PTPRT: variants seen among roughly 807,000 people sequenced by gnomAD.
PTPRT encodes protein tyrosine phosphatase receptor type T, also known as receptor-type tyrosine-protein phosphatase T.
Under a neutral mutation model 176.8 loss-of-function variants are expected in PTPRT, and 56 were observed. That is an observed-to-expected ratio of 0.32 (90% CI 0.26 to 0.40). The LOEUF is 0.40. Ranked by LOEUF, PTPRT falls within the 10% of genes least tolerant of loss-of-function variation. The pLI is 1.00. For synonymous variants in PTPRT, 783 were observed against 739.0 expected, an observed-to-expected ratio of 1.06 and a Z score of -0.96; for missense variants, 1,540 against 1,908.2, an observed-to-expected ratio of 0.81 and a Z score of 3.60.
intron 1 of PTPRT, among the ~76,000 whole-genome samples, chr20:42,943,097 C>T (rs568435511): frequency 7.6e-4 from 115 of 152,272 alleles, no homozygotes; most frequent in African/African-American, 2.3e-3. Context: ...AAAACCCAAA[C>T]GCAACTTGAG....
intron 1 of PTPRT, among the ~76,000 whole-genome samples, chr20:43,174,099 G>A (rs2015070260): frequency 1.3e-5 from 2 of 152,180 alleles, no homozygotes; most frequent in Admixed American, 6.5e-5. Context: ...TTTCCACCCA[G>A]TAATTTCAAA....
chr20:42,376,711 T>C (rs2058652251), intron 9 of PTPRT, among the ~76,000 whole-genome samples: 1 of 152,070 alleles, frequency 6.6e-6, no homozygotes, highest in African/African-American at 2.4e-5. Flanking sequence ...CCTAAGCAGA[T>C]TGAGGCAAAG....
At chr20:42,356,907 C>T (rs1397667415) in intron 9 of PTPRT, among the ~76,000 whole-genome samples, 1 of 152,186 alleles carries the variant, frequency 6.6e-6, no homozygotes, top group East Asian at 1.9e-4. Context: ...ACCAGCTCTT[C>T]TGTCAGCCTG....
In PTPRT at chr20:42,572,928, T is replaced by G. The variant is rs536541935; in HGVS notation, c.1154-100366A>C. On this transcript the variant is annotated intron_variant, in intron 7 of 30. Coordinates refer to ENST00000373187, the MANE Select transcript of PTPRT (RefSeq NM_007050.6). Reference sequence around the variant, plus strand: ...ACACTAGAGATAAGTTTTTGTTTTTTTTTTTTTTTAACATCTAAACACAAT... The same window carrying G: ...ACACTAGAGATAAGTTTTTGTTTTTGTTTTTTTTTAACATCTAAACACAAT... Among the ~76,000 whole-genome samples the G allele has an allele frequency of 1.1e-3, 164 of 150,772 alleles. 2 individuals carry two copies. Among genetic ancestry groups the G allele is most frequent in the Non-Finnish European group, 1.9e-3 (130 of 67,848 alleles).
chr20:42,167,684 C>A (rs530838735), intron 16 of PTPRT, among the ~76,000 whole-genome samples: 1 of 152,250 alleles, frequency 6.6e-6, no homozygotes, highest in Non-Finnish European at 1.5e-5. Flanking sequence ...GCTGGGTCAC[C>A]TGCACAGAGT....
rs556533790 is a variant in PTPRT, at chr20:42,579,308, T to C, written c.1153+98558A>G. On this transcript the variant is annotated intron_variant, in intron 7 of 30. Transcript: ENST00000373187. The stretch of plus-strand genomic sequence containing the variant: ...CACATTTTCTTAATCCAGTCTATCA[T>C]TGTTGGACATTTGGGTTGGTTCCAA... Among the ~76,000 whole-genome samples the C allele has an allele frequency of 4.2e-4, 64 of 152,244 alleles. 1 individual carries two copies. The South Asian group carries it at 0.012, about 30-fold the overall frequency.
intron 17 of PTPRT, among the ~76,000 whole-genome samples, chr20:42,157,624 T>TC (rs199994565): frequency 0.062 from 9,328 of 151,138 alleles, 314 homozygotes; most frequent in Non-Finnish European, 0.07. Context: ...GGGATTTTCT[T>TC]CCCCCCCCAA....
intron 1 of PTPRT, 138 bp from the exon 2 acceptor site, chr20:42,886,070 T>TAA (rs1482152791): frequency 1.3e-5 from 5 of 384,642 alleles, no homozygotes; most frequent in Admixed American, 1.2e-4. Context: ...TATATATATA[T>TAA]AAAAGATGAG....
intron 7 of PTPRT, among the ~76,000 whole-genome samples, chr20:42,522,801 G>T (rs1276648691): frequency 6.6e-6 from 1 of 151,944 alleles, no homozygotes; most frequent in East Asian, 1.9e-4. Flanking sequence ...TTTTTATTTC[G>T]ATTATCTTCT....
intron 2 of PTPRT, among the ~76,000 whole-genome samples, chr20:42,842,912 T>G (rs2078304191): frequency 6.6e-6 from 1 of 152,208 alleles, no homozygotes; most frequent in Admixed American, 6.5e-5. Flanking sequence ...TCCACCCTCA[T>G]GACTTAATCA....
intron 5 of PTPRT, among the ~76,000 whole-genome samples, chr20:42,767,117 T>A (rs995852629): frequency 1.3e-5 from 2 of 152,132 alleles, no homozygotes; most frequent in African/African-American, 4.8e-5. Context: ...CTCTCTGGGG[T>A]GGCAGGTGTG....
At chr20:43,167,590 T>C (rs1031218329) in intron 1 of PTPRT, among the ~76,000 whole-genome samples, 7 of 152,174 alleles carry the variant, frequency 4.6e-5, no homozygotes, top group Admixed American at 1.3e-4. Context: ...CAACAGAGCA[T>C]GGTAAAGGTG....
intron 1 of PTPRT, among the ~76,000 whole-genome samples, chr20:42,966,785 C>T (rs910454160): frequency 2.0e-5 from 3 of 152,196 alleles, no homozygotes; most frequent in African/African-American, 7.2e-5. Flanking sequence ...ACGTGATCAT[C>T]AGGCAGAGAA....
chr20:42,799,765 G>A (rs952310514), intron 2 of PTPRT, among the ~76,000 whole-genome samples: 1 of 152,184 alleles, frequency 6.6e-6, no homozygotes, highest in Non-Finnish European at 1.5e-5. Flanking sequence ...TGCCCCGTAA[G>A]CAAGAATTCT....
At chr20:42,081,590 C>T (rs1159338916) in intron 30 of PTPRT, among the ~76,000 whole-genome samples, 2 of 152,164 alleles carry the variant, frequency 1.3e-5, no homozygotes, top group Non-Finnish European at 2.9e-5. Flanking sequence ...TCTACTAATC[C>T]AGCATCCTTT....
chr20:42,096,356 A>G (rs976638037), intron 27 of PTPRT, among the ~76,000 whole-genome samples: 10 of 151,948 alleles, frequency 6.6e-5, no homozygotes, highest in Non-Finnish European at 1.2e-4. Context: ...TAATCCCAGC[A>G]CTTCAGGAGG....
At chr20:42,358,672 G>C (rs1016566788) in intron 9 of PTPRT, among the ~76,000 whole-genome samples, 1 of 152,184 alleles carries the variant, frequency 6.6e-6, no homozygotes, top group Non-Finnish European at 1.5e-5. Flanking sequence ...CTTGCCTAAG[G>C]GATGCTTTTG....
At chr20:42,474,316 T>C (rs2071249949) in intron 7 of PTPRT, among the ~76,000 whole-genome samples, 3 of 152,176 alleles carry the variant, frequency 2.0e-5, no homozygotes, top group African/African-American at 7.2e-5. Flanking sequence ...CTATTGGTGC[T>C]AGTTGATCTG....
the PTPRT span, among the ~76,000 whole-genome samples, chr20:42,040,616 T>C: frequency 6.6e-6 from 1 of 152,130 alleles, no homozygotes; most frequent in Admixed American, 6.5e-5. Flanking sequence ...AAGAAATGAG[T>C]GCAAAACAGT....
Sources: allele counts gnomAD v4.1 joint callset (sites outside exome capture counted in the v4.1 genomes callset), GRCh38; gene constraint gnomAD v4.1.1; transcripts MANE v1.5; gene names NCBI Gene and HGNC (gene_info 2026-07-23, HGNC 2026-07-21).